DTNA: variants seen among roughly 807,000 people sequenced by gnomAD.
DTNA encodes the protein dystrobrevin alpha.
In DTNA, 43 loss-of-function variants were observed where a neutral mutation model predicts 100.7. The ratio of observed to expected loss-of-function variants is 0.43; its 90% CI spans 0.33 to 0.55. DTNA has a LOEUF of 0.55. DTNA is among the 20% of genes least tolerant of loss of function. The pLI is 0.04. For missense variants in DTNA, 798 were observed against 953.9 expected, an observed-to-expected ratio of 0.84 and a Z score of 2.15; for synonymous variants, 349 against 347.9, an observed-to-expected ratio of 1.00 and a Z score of -0.04.
At chr18:34,779,434 A>G (rs993129595) in intron 3 of DTNA, among the ~76,000 whole-genome samples, 3 of 152,210 alleles carry the variant, frequency 2.0e-5, no homozygotes, top group Non-Finnish European at 2.9e-5. Context: ...CCTGATATGC[A>G]CATTCTAGAG....
intron 1 of DTNA, among the ~76,000 whole-genome samples, chr18:34,508,564 G>T (rs536725706): frequency 6.6e-6 from 1 of 152,242 alleles, no homozygotes; most frequent in South Asian, 2.1e-4. Context: ...AAGGTTAAAA[G>T]GTTTTAAAAT....
chr18:34,803,116 G>A (rs537092809), intron 4 of DTNA, among the ~76,000 whole-genome samples: 5 of 152,062 alleles, frequency 3.3e-5, no homozygotes, highest in Non-Finnish European at 7.4e-5. Context: ...CCCAGTTTTG[G>A]TGTGCTTGCC....
intron 1 of DTNA, among the ~76,000 whole-genome samples, chr18:34,561,465 T>C (rs2046629793): frequency 6.6e-6 from 1 of 152,152 alleles, no homozygotes; most frequent in Non-Finnish European, 1.5e-5. Context: ...TTAACTCTTC[T>C]AAGTTATATA....
intron 21 of DTNA, among the ~76,000 whole-genome samples, chr18:34,882,842 G>A (rs1468004793): frequency 6.6e-6 from 1 of 152,198 alleles, no homozygotes; most frequent in Non-Finnish European, 1.5e-5. Flanking sequence ...AGGGCACGAG[G>A]AAATTGAATA....
intron 9 of DTNA, chr18:34,822,238 T>G (rs2095742196): frequency 6.6e-6 from 1 of 152,246 alleles, no homozygotes; most frequent in African/African-American, 2.4e-5. Context: ...GCCAACCACT[T>G]GCAGAAATCT....
Position 34,752,238 on chromosome 18 carries a change from G to A in DTNA, c.-1-3738G>A, listed in dbSNP as rs575391327. On this transcript the variant is annotated intron_variant, in intron 1 of 22. Coordinates refer to ENST00000444659, the MANE Select transcript of DTNA (RefSeq NM_001386795.1). ...CTTCACCTCCTCCATATGACTTTGG[G>A]CAGCTGTTGTTGTACTGAAATTCAT... Among the ~76,000 whole-genome samples the A allele has an allele frequency of 4.3e-4, 66 of 152,260 alleles. 1 individual carries two copies. Among genetic ancestry groups the A allele is most frequent in the African/African-American group, 1.5e-3 (64 of 41,536 alleles).
rs1021097230 is a variant in DTNA, at chr18:34,888,631, A to G, written c.*897A>G. 3 of 985,736 alleles carry G rather than the reference A, an allele frequency of 3.0e-6. No homozygotes were observed. The highest frequency in any genetic ancestry group is 9.4e-5 in the South Asian group (2 of 21,288). The allele number at this position is 985,736 out of a possible 1,614,324, so 61.1% of individuals were successfully genotyped here. A position where few individuals can be genotyped will look rare whatever the true frequency, so the allele number is the denominator to read the frequency against. On this transcript the variant is annotated 3_prime_UTR_variant, in exon 23 of 23. Coordinates refer to ENST00000444659, the MANE Select transcript of DTNA (RefSeq NM_001386795.1). The stretch of plus-strand genomic sequence containing the variant: ...CAGATCTTCTTAAAAACTGTGAACT[A>G]TGTTTTGAAATACTCGTTACTAAAG...
intron 9 of DTNA, among the ~76,000 whole-genome samples, chr18:34,826,401 TGA>T: frequency 6.6e-6 from 1 of 152,110 alleles, no homozygotes; most frequent in Non-Finnish European, 1.5e-5. Context: ...TAAGTCTCAA[TGA>T]ATTTTTGCAT....
chr18:34,769,621 G>A (rs974849992), intron 3 of DTNA, among the ~76,000 whole-genome samples: 2 of 151,724 alleles, frequency 1.3e-5, no homozygotes, highest in Non-Finnish European at 2.9e-5. Flanking sequence ...CAAAATCAAG[G>A]CACTGCCAGA....
chr18:34,587,191 G>T (rs2049233644), intron 1 of DTNA, among the ~76,000 whole-genome samples: 1 of 151,470 alleles, frequency 6.6e-6, no homozygotes, highest in South Asian at 2.1e-4. Context: ...TATTGCACTG[G>T]CTAAAAATCT....
chr18:34,798,246 TG>T (rs1159277924), intron 4 of DTNA, among the ~76,000 whole-genome samples: 26 of 152,290 alleles, frequency 1.7e-4, no homozygotes, highest in South Asian at 6.2e-4. Context: ...GCAATCCACC[TG>T]CCTCAGCCTC....
chr18:34,733,055 A>G (rs1288926601), intron 1 of DTNA, among the ~76,000 whole-genome samples: 16 of 152,182 alleles, frequency 1.1e-4, no homozygotes. Context: ...GCTCAGAGCC[A>G]ATGTCCAGTA....
At chr18:34,816,650 A>G (rs569205897) in intron 7 of DTNA, among the ~76,000 whole-genome samples, 7 of 152,164 alleles carry the variant, frequency 4.6e-5, no homozygotes, top group Non-Finnish European at 1.0e-4. Context: ...GCCTCCATCT[A>G]ATCTTTAGGT....
chr18:34,890,602 C>A lies in DTNA; in HGVS notation c.*2868C>A, dbSNP rs971882610. 1.0e-4 allele frequency: 113 copies of A among 1,086,474 alleles called. No individual in the cohort carries two copies. The highest frequency in any genetic ancestry group is 2.5e-4 in the Admixed American group (9 of 36,048). 67.3% of individuals were successfully genotyped at this position (1,086,474 alleles called of 1,614,324 possible). The stretch of plus-strand genomic sequence containing the variant: ...TAACACAGCCAACCCTCCTCCACAG[C>A]GCCATATTAATGGAGGAGGGGAGGA... On this transcript the variant is annotated 3_prime_UTR_variant, in exon 23 of 23. Transcript: ENST00000444659.
intron 1 of DTNA, among the ~76,000 whole-genome samples, chr18:34,520,939 T>G (rs1168145581): frequency 6.6e-6 from 1 of 152,104 alleles, no homozygotes; most frequent in Non-Finnish European, 1.5e-5. Context: ...AGTAACATCT[T>G]AGAGGCAAAA....
In DTNA at chr18:34,821,062, T is replaced by G. The variant is rs187428814; in HGVS notation, c.1001+147T>G. On this transcript the variant is annotated intron_variant, in intron 9 of 22. Transcript: ENST00000444659. ...AAAAGTCAGAGTAATGCCATCATAA[T>G]TTTTTGTTGTTGTTGAGGTGTACAG... 2.9e-5 allele frequency: 36 copies of G among 1,238,414 alleles called. No individual in the cohort carries two copies. The Admixed American group carries it at 6.9e-4, about 24-fold the overall frequency. The allele number at this position is 1,238,414 out of a possible 1,614,324, so 76.7% of individuals were successfully genotyped here. A position where few individuals can be genotyped will look rare whatever the true frequency, so the allele number is the denominator to read the frequency against.
chr18:34,522,693 A>G (rs1281500378), intron 1 of DTNA, among the ~76,000 whole-genome samples: 1 of 152,208 alleles, frequency 6.6e-6, no homozygotes, highest in African/African-American at 2.4e-5. Flanking sequence ...GGTCAAGTGC[A>G]AATAGACCCA....
At chr18:34,606,270 T>C (rs568399287) in intron 1 of DTNA, among the ~76,000 whole-genome samples, 2 of 152,192 alleles carry the variant, frequency 1.3e-5, no homozygotes, top group Non-Finnish European at 2.9e-5. Flanking sequence ...ATTTATATCT[T>C]GCCATTATAA....
intron 17 of DTNA, chr18:34,865,975 C>G: frequency 1.1e-6 from 1 of 914,246 alleles, no homozygotes; most frequent in Non-Finnish European, 1.8e-6. Flanking sequence ...GAGTGATAGT[C>G]ACTGAGGTGG....
Sources: gnomAD v4.1 joint callset for allele counts (sites outside exome capture counted in the v4.1 genomes callset) on GRCh38, gnomAD v4.1.1 for gene constraint, MANE v1.5 for transcripts, NCBI Gene and HGNC (gene_info 2026-07-23, HGNC 2026-07-21) for gene names.